The following CHCHD3 variants were observed in gnomAD, a reference collection of about 807,000 sequenced individuals.
CHCHD3 encodes MICOS complex subunit MIC19.
In CHCHD3, 20 loss-of-function variants were observed where a neutral mutation model predicts 38.2. The ratio of observed to expected loss-of-function variants is 0.52; its 90% CI spans 0.37 to 0.76. The LOEUF is 0.76. CHCHD3 is among the 30% of genes least tolerant of loss of function. CHCHD3 has a pLI of 0.00. For missense variants in CHCHD3, 245 were observed against 279.2 expected, an observed-to-expected ratio of 0.88 and a Z score of 0.87; for synonymous variants, 82 against 100.0, an observed-to-expected ratio of 0.82 and a Z score of 1.07.
intron 2 of CHCHD3, among the ~76,000 whole-genome samples, chr7:133,049,969 C>A (rs1266336276): frequency 6.6e-6 from 1 of 152,126 alleles, no homozygotes; most frequent in Non-Finnish European, 1.5e-5. Context: ...ACGGTATCTT[C>A]CTGTCACTGT....
chr7:132,848,069 T>C (rs1313030165), intron 5 of CHCHD3, among the ~76,000 whole-genome samples: 1 of 152,234 alleles, frequency 6.6e-6, no homozygotes, highest in Non-Finnish European at 1.5e-5. Flanking sequence ...TCTGGTCCTG[T>C]ACCTTCAAGG....
chr7:132,872,362 C>A (rs1165232495), intron 5 of CHCHD3, among the ~76,000 whole-genome samples: 1 of 152,174 alleles, frequency 6.6e-6, no homozygotes, highest in Non-Finnish European at 1.5e-5. Context: ...GCTGTGGACA[C>A]CATGGTTCAA....
At chr7:132,981,424 T>C (rs147237996) in intron 3 of CHCHD3, among the ~76,000 whole-genome samples, 2,135 of 152,354 alleles carry the variant, frequency 0.014, 17 homozygotes, top group Non-Finnish European at 0.024. Flanking sequence ...AACTTTCCTA[T>C]AGGAATTAGT....
chr7:132,957,196 C>T (rs1196280144), intron 4 of CHCHD3, among the ~76,000 whole-genome samples: 1 of 152,192 alleles, frequency 6.6e-6, no homozygotes, highest in East Asian at 1.9e-4. Flanking sequence ...ACCCCTGGGC[C>T]TCTTTCTTCA....
intron 3 of CHCHD3, among the ~76,000 whole-genome samples, chr7:133,009,227 G>A (rs1012031746): frequency 1.8e-4 from 27 of 151,922 alleles, no homozygotes; most frequent in African/African-American, 5.3e-4. Context: ...GGCCAGGCAC[G>A]GTGGTGTGCA....
rs1806369028 is a variant in CHCHD3 at position 132,788,026 on chromosome 7, A to C, written c.661-2366T>G. On this transcript the variant is annotated intron_variant, in intron 7 of 7. Transcript: ENST00000262570. The surrounding 1 kb of genome is among the most constrained non-coding windows in gnomAD (Gnocchi z 4.0). ...TCGCTGGGAAAATAACACGCTGAGC[A>C]CCCACCATGTAAGAGACACCACCTG... Among the ~76,000 whole-genome samples, 1 of 152,186 alleles carries C rather than the reference A, an allele frequency of 6.6e-6. No individual in the cohort carries two copies.
intron 5 of CHCHD3, among the ~76,000 whole-genome samples, chr7:132,885,069 T>C (rs537027389): frequency 3.7e-4 from 57 of 152,154 alleles, no homozygotes; most frequent in Admixed American, 9.8e-4. Flanking sequence ...ATGGCCAACA[T>C]GGTGAAACCC....
At chr7:132,868,523 T>C (rs367629240) in intron 5 of CHCHD3, among the ~76,000 whole-genome samples, 379 of 152,312 alleles carry the variant, frequency 2.5e-3, no homozygotes, top group Middle Eastern at 0.014. Flanking sequence ...TTTAGTTTTA[T>C]AACGAAAAGG....
intron 5 of CHCHD3, among the ~76,000 whole-genome samples, chr7:132,884,688 C>T (rs925697752): frequency 1.3e-5 from 2 of 152,164 alleles, no homozygotes; most frequent in East Asian, 1.9e-4. Flanking sequence ...GCTTACTCTG[C>T]AACCTCATGG....
Position 132,796,430 on chromosome 7 carries a change from T to C in CHCHD3, c.660+12A>G. 6.2e-7 allele frequency: 1 copy of C among 1,613,500 alleles called. No homozygotes were observed. The highest frequency in any genetic ancestry group is 2.2e-5 in the East Asian group (1 of 44,856). ...TGCCCAGTGCCCCCAGTGGCCTGGC[T>C]GGCACACCTACCTGTTTGGCATGAT... On this transcript the variant is annotated intron_variant, in intron 7 of 7. Coordinates refer to ENST00000262570, the MANE Select transcript of CHCHD3 (RefSeq NM_017812.4).
At chr7:132,794,339 T>A (rs1806547428) in intron 7 of CHCHD3, among the ~76,000 whole-genome samples, 2 of 152,208 alleles carry the variant, frequency 1.3e-5, no homozygotes, top group South Asian at 4.1e-4. Flanking sequence ...AGCTGTTAAA[T>A]TCACTATTGT....
At chr7:132,896,237 A>C (rs1170026477) in intron 4 of CHCHD3, among the ~76,000 whole-genome samples, 3 of 152,232 alleles carry the variant, frequency 2.0e-5, no homozygotes, top group Non-Finnish European at 2.9e-5. Context: ...GTAAAACTAG[A>C]ATCAAAGCTT....
At position 132,955,173 on chromosome 7, in the gene CHCHD3, G is replaced by GGGGTGTGTGTGTGT. The variant is rs138213006; in HGVS notation, c.369+19995_369+19996insACACACACACACCC. On this transcript the variant is annotated intron_variant, in intron 4 of 7. Transcript: ENST00000262570. ...AGAAAGGAGGCTTTTTCCCTCAGAG[G>GGGGTGTGTGTGTGT]GTGTGTGTGTGTGTGTGTGTGTGTG... 3.0e-3 allele frequency among the ~76,000 whole-genome samples: 377 copies of GGGGTGTGTGTGTGT among 126,278 alleles called. 3 individuals carry two copies. Among genetic ancestry groups the GGGGTGTGTGTGTGT allele is most frequent in the Admixed American group, 7.0e-3 (82 of 11,660 alleles). 82.8% of individuals were successfully genotyped at this position (126,278 alleles called of 152,430 possible).
In CHCHD3 at chr7:133,024,578, C is replaced by T; in HGVS notation, c.219G>A (p.Glu73=). The part of the protein sequence containing the change: ...KRRVAEELAL[E]QAKKESEDQK... ...GATCTTCGGATTCTTTCTTGGCTTG[C>T]TCCAATGCCAGCTCCTCAGCTACTC... The change falls in exon 3 of 8, where the codon GAG becomes GAA. Residue 73 remains glutamate (E), a synonymous_variant. Coordinates refer to ENST00000262570, the MANE Select transcript of CHCHD3 (RefSeq NM_017812.4). 1 of 1,613,830 alleles carries T rather than the reference C, an allele frequency of 6.2e-7. No homozygotes were observed. Among genetic ancestry groups the T allele is most frequent in the Non-Finnish European group, 8.5e-7 (1 of 1,179,742 alleles).
At chr7:133,079,981 TG>T (rs1815122151) in intron 1 of CHCHD3, among the ~76,000 whole-genome samples, 1 of 152,208 alleles carries the variant, frequency 6.6e-6, no homozygotes, top group Non-Finnish European at 1.5e-5. Context: ...ATTTCAGGAC[TG>T]GAAAATATTA....
At chr7:132,934,061 T>C (rs998230289) in intron 4 of CHCHD3, among the ~76,000 whole-genome samples, 2 of 152,212 alleles carry the variant, frequency 1.3e-5, no homozygotes, top group South Asian at 4.1e-4. Flanking sequence ...AGCATTTCAC[T>C]GGGAGGGACT....
intron 4 of CHCHD3, among the ~76,000 whole-genome samples, chr7:132,967,533 G>A (rs1811496856): frequency 6.6e-6 from 1 of 152,056 alleles, no homozygotes; most frequent in South Asian, 2.1e-4. Flanking sequence ...GCTGACGCCT[G>A]TAATCCCAGC....
At chr7:132,895,967 T>C (rs1009672057) in intron 4 of CHCHD3, among the ~76,000 whole-genome samples, 4 of 152,204 alleles carry the variant, frequency 2.6e-5, no homozygotes, top group Non-Finnish European at 4.4e-5. Context: ...GCAACTTCAT[T>C]GAGTTTTACA....
chr7:132,933,800 T>C (rs1000173351), intron 4 of CHCHD3, among the ~76,000 whole-genome samples: 11 of 152,164 alleles, frequency 7.2e-5, no homozygotes, highest in African/African-American at 2.7e-4. Flanking sequence ...GGCTCTCATG[T>C]CTGAGCAGAA....
Sources: gnomAD v4.1 joint callset for allele counts (sites outside exome capture counted in the v4.1 genomes callset) on GRCh38, gnomAD v4.1.1 for gene constraint, Gnocchi (gnomAD v3.1) non-coding constraint, MANE v1.5 for transcripts, NCBI Gene and HGNC (gene_info 2026-07-23, HGNC 2026-07-21) for gene names.